CEP350: variants seen among roughly 807,000 people sequenced by gnomAD.
CEP350 encodes centrosome-associated protein 350.
CEP350 carries 126 observed loss-of-function variants against 331.8 expected under a neutral mutation model. The observed-to-expected ratio is 0.38, with a 90% CI of 0.33 to 0.44. The LOEUF is 0.44. Ranked by LOEUF, CEP350 falls within the 20% of genes least tolerant of loss-of-function variation. The probability of loss-of-function intolerance (pLI) is 1.00; values close to 1 mark genes in which losing one functional copy is unlikely to be tolerated. For synonymous variants in CEP350, 1,200 were observed against 1,259.5 expected, an observed-to-expected ratio of 0.95 and a Z score of 1.00; for missense variants, 3,406 against 3,634.6, an observed-to-expected ratio of 0.94 and a Z score of 1.62.
chr1:179,959,775 A>C (rs1233235090), intron 1 of CEP350, among the ~76,000 whole-genome samples: 1 of 152,178 alleles, frequency 6.6e-6, no homozygotes, highest in Non-Finnish European at 1.5e-5. Flanking sequence ...ACAAACAAAA[A>C]AACTTTTGTT....
chr1:180,074,011 C>G (rs1208957354), intron 27 of CEP350: 34 of 1,010,946 alleles, frequency 3.4e-5, no homozygotes, highest in Non-Finnish European at 4.5e-5. Flanking sequence ...TTTTAATAGC[C>G]TGGAGGCCTC....
chr1:179,968,863 G>A (rs1651220611), intron 1 of CEP350: 4 of 740,618 alleles, frequency 5.4e-6, no homozygotes, highest in Non-Finnish European at 9.9e-6. Context: ...AAACCCCGCT[G>A]ATGTCAGTGT....
At chr1:180,069,815 A>G (rs1658777327) in intron 27 of CEP350, among the ~76,000 whole-genome samples, 1 of 152,196 alleles carries the variant, frequency 6.6e-6, no homozygotes, top group African/African-American at 2.4e-5. Flanking sequence ...TTTAATTATA[A>G]CAGTAATAGA....
intron 20 of CEP350, among the ~76,000 whole-genome samples, chr1:180,043,770 ATTTGTGTGTG>A (rs1465617093): frequency 1.3e-5 from 1 of 76,872 alleles, no homozygotes; most frequent in Non-Finnish European, 2.9e-5. Flanking sequence ...ACATTACCAT[ATTTGTGTGTG>A]TGTGTGTGTG....
chr1:179,966,892 G>C (rs1480574570), intron 1 of CEP350, among the ~76,000 whole-genome samples: 1 of 152,196 alleles, frequency 6.6e-6, no homozygotes, highest in Non-Finnish European at 1.5e-5. Context: ...TGGACAAAAT[G>C]AGTCCAGTGG....
In CEP350 at chr1:180,114,148, T is replaced by C. The variant is rs552105945; in HGVS notation, c.*2987T>C. On this transcript the variant is annotated 3_prime_UTR_variant, in exon 38 of 38. Coordinates refer to ENST00000367607, the MANE Select transcript of CEP350 (RefSeq NM_014810.5). ...AAAGAGATTTCATTGCTCATAAGAG[T>C]GTTGTGGCCTATTGATAAAAACAAT... 6.6e-6 allele frequency: 1 copy of C among 152,540 alleles called. No individual in the cohort carries two copies. The highest frequency in any genetic ancestry group is 2.1e-4 in the South Asian group (1 of 4,820). The allele number at this position is 152,540 out of a possible 1,614,324, so 9.4% of individuals were successfully genotyped here. A position where few individuals can be genotyped will look rare whatever the true frequency, so the allele number is the denominator to read the frequency against.
chr1:180,039,275 G>A (rs2148909371), intron 17 of CEP350, among the ~76,000 whole-genome samples: 1 of 99,430 alleles, frequency 1.0e-5, no homozygotes, highest in South Asian at 4.0e-4. Context: ...AGGAAGGAAG[G>A]GAGGGAGGGA....
At chr1:179,997,491 C>G (rs558491556) in intron 6 of CEP350, among the ~76,000 whole-genome samples, 6 of 146,752 alleles carry the variant, frequency 4.1e-5, no homozygotes, top group Non-Finnish European at 7.5e-5. Context: ...TACACTGAGC[C>G]GAGATCTCAC....
intron 27 of CEP350, among the ~76,000 whole-genome samples, chr1:180,074,390 G>A (rs912515940): frequency 5.9e-5 from 9 of 151,998 alleles, no homozygotes; most frequent in South Asian, 2.1e-4. Context: ...AAATAGTTAC[G>A]TTTATATGCA....
chr1:179,985,025 C>A (rs1052507953), intron 1 of CEP350, among the ~76,000 whole-genome samples: 2 of 152,158 alleles, frequency 1.3e-5, no homozygotes, highest in South Asian at 2.1e-4. Context: ...TTTACCATTA[C>A]AACCATTTCT....
chr1:180,086,431 C>G (rs1659862495), intron 31 of CEP350, among the ~76,000 whole-genome samples: 1 of 151,958 alleles, frequency 6.6e-6, no homozygotes, highest in Admixed American at 6.6e-5. Context: ...AAAGAGCCCT[C>G]TAGAGAGTGC....
intron 31 of CEP350, among the ~76,000 whole-genome samples, chr1:180,086,220 A>G (rs12140235): frequency 0.14 from 21,427 of 152,164 alleles, 1,603 homozygotes; most frequent in African/African-American, 0.17. Flanking sequence ...GACCATACTG[A>G]GGAGTTCATG....
chr1:180,106,259 GAGA>G (rs530116679), intron 37 of CEP350, among the ~76,000 whole-genome samples: 308 of 152,302 alleles, frequency 2.0e-3, no homozygotes, highest in African/African-American at 6.9e-3. Context: ...GGGAACTGAT[GAGA>G]AGGACACTCA....
intron 8 of CEP350, among the ~76,000 whole-genome samples, chr1:180,009,561 A>T (rs975804177): frequency 3.9e-5 from 6 of 152,090 alleles, no homozygotes; most frequent in African/African-American, 2.4e-5. Context: ...TTAACCAATG[A>T]CCGTGTGTAA....
At chr1:180,056,702 T>TC (rs200788219) in intron 25 of CEP350, among the ~76,000 whole-genome samples, 1,650 of 152,024 alleles carry the variant, frequency 0.011, 18 homozygotes, top group Non-Finnish European at 0.018. Flanking sequence ...ACTCAAGTGA[T>TC]CCCCCCACGT....
At chr1:180,013,059 T>C (rs534290956) in intron 9 of CEP350, among the ~76,000 whole-genome samples, 27 of 152,304 alleles carry the variant, frequency 1.8e-4, no homozygotes, top group African/African-American at 4.6e-4. Flanking sequence ...AGCATTCTAG[T>C]AAAAGGAATC....
At chr1:180,090,860 A>G in intron 33 of CEP350, 64 bp downstream of exon 33, 1 of 1,309,920 alleles carries the variant, frequency 7.6e-7, no homozygotes. Context: ...GCAAAGGCCT[A>G]CAAAATTCTA....
intron 1 of CEP350, among the ~76,000 whole-genome samples, chr1:179,957,877 A>G (rs1358096571): frequency 6.6e-6 from 1 of 152,206 alleles, no homozygotes; most frequent in East Asian, 1.9e-4. Flanking sequence ...CTAGTACTAT[A>G]ATTATAGCCT....
rs892829891 is a variant in CEP350 at position 179,954,941 on chromosome 1, G to C, written c.-215G>C. ...GGGGGGTGGCTTGCCCTGAGGGAGG[G>C]GAGGCAGCCTTTCCGCCTTGTCTTC... On this transcript the variant is annotated 5_prime_UTR_variant, in exon 1 of 38. Coordinates refer to ENST00000367607, the MANE Select transcript of CEP350 (RefSeq NM_014810.5). 33 of 949,144 alleles carry C rather than the reference G, an allele frequency of 3.5e-5. No individual in the cohort carries two copies. In the African/African-American group the frequency reaches 4.0e-4, roughly 11 times the overall value. 58.8% of individuals were successfully genotyped at this position (949,144 alleles called of 1,614,324 possible).
Sources: allele counts gnomAD v4.1 joint callset (sites outside exome capture counted in the v4.1 genomes callset), GRCh38; gene constraint gnomAD v4.1.1; transcripts MANE v1.5; gene names NCBI Gene and HGNC (gene_info 2026-07-23, HGNC 2026-07-21).